Variants in ZEB1 observed in about 807,000 individuals in gnomAD.
ZEB1 encodes the protein zinc finger E-box-binding homeobox 1.
A neutral mutation model predicts 84.9 loss-of-function variants in ZEB1; 21 were observed. That is an observed-to-expected ratio of 0.25 (90% CI 0.18 to 0.36). The LOEUF is 0.36. Among genes scored for constraint, ZEB1 ranks in the 10% least tolerant of loss-of-function variants. The pLI is 1.00. For missense variants in ZEB1, 1,104 were observed against 1,330.2 expected (o/e 0.83, Z 2.65); for synonymous variants, 420 against 471.1 (o/e 0.89, Z 1.41).
chr10:31,384,081 T>C lies in ZEB1; in HGVS notation c.58+64789T>C, dbSNP rs573693659. On this transcript the variant is annotated intron_variant, in intron 1 of 8. Coordinates refer to ENST00000424869, the MANE Select transcript of ZEB1 (RefSeq NM_001174096.2). ...CTCACCACCTCCTGTATTCAAGTGA[T>C]TGTCCTGCCTCAGCTACCCAAGTAG... Among the ~76,000 whole-genome samples the C allele has an allele frequency of 9.9e-5, 15 of 151,604 alleles. No homozygotes were observed. In the East Asian group the frequency reaches 2.7e-3, roughly 28 times the overall value.
At chr10:31,403,947 T>C (rs929721135) in intron 1 of ZEB1, among the ~76,000 whole-genome samples, 3 of 152,086 alleles carry the variant, frequency 2.0e-5, no homozygotes, top group Admixed American at 1.3e-4. Flanking sequence ...GCAGAAAATG[T>C]GAAAGGTAGA....
In ZEB1 at chr10:31,383,699, C is replaced by G. The variant is rs149762179; in HGVS notation, c.58+64407C>G. Among the ~76,000 whole-genome samples, 11 of 152,266 alleles carry G rather than the reference C, an allele frequency of 7.2e-5. No individual in the cohort carries two copies. In the East Asian group the frequency reaches 2.1e-3, roughly 29 times the overall value. On this transcript the variant is annotated intron_variant, in intron 1 of 8. Coordinates refer to ENST00000424869, the MANE Select transcript of ZEB1 (RefSeq NM_001174096.2). Reference sequence around the variant, plus strand: ...AATTCAGTACCTTAATCACACTAGCCACATTCCAAATGAGCAGTAGTCATA... The same window carrying G: ...AATTCAGTACCTTAATCACACTAGCGACATTCCAAATGAGCAGTAGTCATA...
chr10:31,511,648 A>G (rs1296012722), intron 5 of ZEB1, among the ~76,000 whole-genome samples: 1 of 152,158 alleles, frequency 6.6e-6, no homozygotes, highest in Non-Finnish European at 1.5e-5. Context: ...TCAGCCACAC[A>G]GGGTTTGTGA....
At chr10:31,500,818 C>A (rs893561290) in intron 3 of ZEB1, among the ~76,000 whole-genome samples, 1 of 152,116 alleles carries the variant, frequency 6.6e-6, no homozygotes, top group Non-Finnish European at 1.5e-5. Flanking sequence ...CCTTTAAACC[C>A]AACAGTCCAG....
Position 31,461,247 on chromosome 10 carries a change from A to AT in ZEB1, c.259+19dup, listed in dbSNP as rs537761638. ...TGCTGGGAGGATGACAGTAAGTCTGATTTTTTTTTGTAATATTGTATTCTC... is the reference window on the plus strand; with the variant it reads ...TGCTGGGAGGATGACAGTAAGTCTGATTTTTTTTTTGTAATATTGTATTCTC... On this transcript the variant is annotated intron_variant, in intron 2 of 8. Transcript: ENST00000424869. 2.1e-4 allele frequency: 340 copies of AT among 1,586,388 alleles called. No homozygotes were observed. The highest frequency in any genetic ancestry group is 5.7e-4 in the Admixed American group (33 of 58,036).
In ZEB1 at chr10:31,389,592, G is replaced by A. The variant is rs562001316; in HGVS notation, c.58+70300G>A. 2.0e-5 allele frequency: 3 copies of A among 151,950 alleles called. No individual in the cohort carries two copies. The East Asian group carries it at 5.8e-4, about 29-fold the overall frequency. 9.4% of individuals were successfully genotyped at this position (151,950 alleles called of 1,614,324 possible). A position where few individuals can be genotyped will look rare whatever the true frequency, so the allele number is the denominator to read the frequency against. The stretch of plus-strand genomic sequence containing the variant: ...AGCAGTCTTATGTGTTTACCGTACT[G>A]ATTTTTTTTTAGAGATGGGACAACA... On this transcript the variant is annotated intron_variant, in intron 1 of 8. Transcript: ENST00000424869.
chr10:31,481,512 T>C (rs2065036619), intron 2 of ZEB1, among the ~76,000 whole-genome samples: 2 of 151,848 alleles, frequency 1.3e-5, no homozygotes, highest in African/African-American at 4.8e-5. Context: ...TAAGTAAAAA[T>C]AAATTTCAGG....
intron 1 of ZEB1, among the ~76,000 whole-genome samples, chr10:31,398,283 A>G (rs959164971): frequency 6.6e-6 from 1 of 152,126 alleles, no homozygotes; most frequent in South Asian, 2.1e-4. Context: ...CAACATTTAT[A>G]CTTATTTTTA....
At chr10:31,348,433 G>A (rs1479042446) in intron 1 of ZEB1, among the ~76,000 whole-genome samples, 4 of 151,936 alleles carry the variant, frequency 2.6e-5, no homozygotes, top group East Asian at 1.9e-4. Context: ...GTGTGGTGGC[G>A]GGCTCCTGTA....
chr10:31,364,973 A>G (rs1382134109), intron 1 of ZEB1, among the ~76,000 whole-genome samples: 3 of 152,202 alleles, frequency 2.0e-5, no homozygotes. Context: ...TAGGGCAGGA[A>G]CTACCAGTTG....
intron 1 of ZEB1, among the ~76,000 whole-genome samples, chr10:31,338,018 C>A (rs1396679711): frequency 1.3e-5 from 2 of 152,068 alleles, no homozygotes; most frequent in Non-Finnish European, 2.9e-5. Context: ...TTGTGTGATA[C>A]TCCAAAATGT....
chr10:31,422,980 G>A lies in ZEB1; in HGVS notation c.59-38057G>A, dbSNP rs116770487. ...GATGACAGACTCCAGCTGCATCCAT[G>A]CTGCCGCAAAGGACATGATTTCATT... On this transcript the variant is annotated intron_variant, in intron 1 of 8. Coordinates refer to ENST00000424869, the MANE Select transcript of ZEB1 (RefSeq NM_001174096.2). Among the ~76,000 whole-genome samples, 1,064 of 152,144 alleles carry A rather than the reference G, an allele frequency of 7.0e-3. 12 individuals are homozygous for A. Among genetic ancestry groups the A allele is most frequent in the African/African-American group, 0.024 (976 of 41,516 alleles).
chr10:31,408,980 T>C (rs1424048061), intron 1 of ZEB1, among the ~76,000 whole-genome samples: 3 of 150,894 alleles, frequency 2.0e-5, no homozygotes, highest in Non-Finnish European at 3.0e-5. Flanking sequence ...GGGAGAAAAT[T>C]TTTGCAACCT....
chr10:31,327,661 G>C (rs1422075206), intron 1 of ZEB1, among the ~76,000 whole-genome samples: 3 of 152,026 alleles, frequency 2.0e-5, no homozygotes, highest in Non-Finnish European at 4.4e-5. Context: ...CTAGGGACAT[G>C]GTATTGTCCA....
At chr10:31,399,083 C>T (rs538428078) in intron 1 of ZEB1, among the ~76,000 whole-genome samples, 1 of 151,514 alleles carries the variant, frequency 6.6e-6, no homozygotes, top group African/African-American at 2.4e-5. Context: ...TGACCTCCTC[C>T]TCCGGGGTTC....
At position 31,521,265 on chromosome 10, in the gene ZEB1, C is replaced by T; in HGVS notation, c.1933C>T (p.Pro645Ser). The change falls in exon 7 of 9, where the codon CCA becomes TCA. Residue 645 changes from proline to serine, a missense_variant. Around this residue, in one of 7 missense-constraint regions of ZEB1, gnomAD observed 531 missense variants for 575.2 expected, o/e 0.92. Coordinates refer to ENST00000424869, the MANE Select transcript of ZEB1 (RefSeq NM_001174096.2). ...ACAGATTTCAGTGCAGTCTTCTGAA[C>T]CATCTTCTCCTGAACCAGGCAAAGT... The part of the protein sequence containing the change: ...AGQISVQSSE[P>S]SSPEPGKVNI... 1 of 1,614,086 alleles carries T rather than the reference C, an allele frequency of 6.2e-7. No individual in the cohort carries two copies. Among genetic ancestry groups the T allele is most frequent in the Non-Finnish European group, 8.5e-7 (1 of 1,180,012 alleles).
At chr10:31,474,941 C>A (rs896360687) in intron 2 of ZEB1, among the ~76,000 whole-genome samples, 2 of 151,926 alleles carry the variant, frequency 1.3e-5, no homozygotes, top group African/African-American at 4.8e-5. Context: ...AATCATCATT[C>A]TCAGTAAACT....
chr10:31,351,419 A>G (rs1400987226), intron 1 of ZEB1, among the ~76,000 whole-genome samples: 1 of 151,476 alleles, frequency 6.6e-6, no homozygotes, highest in African/African-American at 2.4e-5. Context: ...CAGTCTGATA[A>G]GCATAGAATT....
At chr10:31,319,663 C>T (rs935621012) in intron 1 of ZEB1, 1 of 260,822 alleles carries the variant, frequency 3.8e-6, no homozygotes. Flanking sequence ...GCTGTTGCTT[C>T]TTTCCGCACT....
Sources: gnomAD v4.1 joint callset for allele counts (sites outside exome capture counted in the v4.1 genomes callset) on GRCh38, gnomAD v4.1.1 for gene constraint, gnomAD v4.1.1 regional missense constraint, MANE v1.5 for transcripts, NCBI Gene and HGNC (gene_info 2026-07-23, HGNC 2026-07-21) for gene names.